The following ZNF33A variants were observed in gnomAD, a reference collection of about 807,000 sequenced individuals.
ZNF33A encodes the protein zinc finger protein 33A, also known as brain my041 protein.
A neutral mutation model predicts 15.9 loss-of-function variants in ZNF33A; 9 were observed. The ratio of observed to expected loss-of-function variants is 0.57; its 90% CI spans 0.34 to 0.99. The LOEUF (loss-of-function observed/expected upper bound fraction) is 0.99, where lower values mean the gene tolerates loss of function less well. Ranked by LOEUF, ZNF33A falls within the 50% of genes least tolerant of loss-of-function variation. The probability of loss-of-function intolerance (pLI) is 0.02; values close to 1 mark genes in which losing one functional copy is unlikely to be tolerated. For missense variants in ZNF33A, 843 were observed against 941.6 expected, an observed-to-expected ratio of 0.90 and a Z score of 1.37; for synonymous variants, 294 against 324.2, an observed-to-expected ratio of 0.91 and a Z score of 1.00.
intron 4 of ZNF33A, among the ~76,000 whole-genome samples, chr10:38,048,670 A>G (rs576138816): frequency 6.6e-6 from 1 of 152,186 alleles, no homozygotes; most frequent in Non-Finnish European, 1.5e-5. Flanking sequence ...AGCCAGGAAT[A>G]CCAGTGATAA....
chr10:38,013,220 C>G (rs2064278809), intron 2 of ZNF33A, among the ~76,000 whole-genome samples: 1 of 152,146 alleles, frequency 6.6e-6, no homozygotes, highest in Non-Finnish European at 1.5e-5. Context: ...AAGCGATTCT[C>G]TTGCCTCAGC....
intron 4 of ZNF33A, among the ~76,000 whole-genome samples, chr10:38,040,175 T>G (rs1357814187): frequency 6.6e-6 from 1 of 152,120 alleles, no homozygotes; most frequent in Non-Finnish European, 1.5e-5. Context: ...AAAATTCCTT[T>G]GTCTTACTGA....
At chr10:38,053,281 G>A (rs886541842) in intron 4 of ZNF33A, among the ~76,000 whole-genome samples, 8 of 152,206 alleles carry the variant, frequency 5.3e-5, no homozygotes, top group Non-Finnish European at 8.8e-5. Context: ...TTTCTGGTTA[G>A]GTCTCACTCC....
At chr10:38,029,017 G>A (rs2472156) in intron 4 of ZNF33A, among the ~76,000 whole-genome samples, 2 of 152,040 alleles carry the variant, frequency 1.3e-5, no homozygotes, top group Admixed American at 1.3e-4. Context: ...ATTGTGTACC[G>A]ATAATGTAAA....
chr10:38,021,087 T>A (rs1051980225), intron 4 of ZNF33A, among the ~76,000 whole-genome samples: 1 of 152,158 alleles, frequency 6.6e-6, no homozygotes, highest in African/African-American at 2.4e-5. Context: ...CCACCCATCC[T>A]AAAAATGTTT....
At chr10:38,035,653 A>G (rs74135613) in intron 4 of ZNF33A, among the ~76,000 whole-genome samples, 8 of 152,154 alleles carry the variant, frequency 5.3e-5, no homozygotes, top group African/African-American at 1.9e-4. Flanking sequence ...TTGTAATGCA[A>G]TTAGATGTTT....
At chr10:38,017,201 A>C (rs2064496224) in intron 3 of ZNF33A, 90 bp from the exon 4 acceptor site, 17 of 1,418,122 alleles carry the variant, frequency 1.2e-5, no homozygotes, top group Non-Finnish European at 1.5e-5. Flanking sequence ...TCCACTGGCA[A>C]CTCGAAGCAG....
Position 38,010,783 on chromosome 10 carries a change from G to A in ZNF33A, c.-45G>A. On this transcript the variant is annotated splice_region_variant and 5_prime_UTR_variant, in exon 1 of 5. Transcript: ENST00000432900. The stretch of plus-strand genomic sequence containing the variant: ...CGAATGCAACCCGACGAGGGAGTGG[G>A]GTAAGCCCCAGTGGGTTGGGCAGGG... 5.6e-6 allele frequency: 9 copies of A among 1,598,464 alleles called. No homozygotes were observed. The highest frequency in any genetic ancestry group is 7.6e-6 in the Non-Finnish European group (9 of 1,179,812).
At chr10:38,041,402 G>A (rs2065694038) in intron 4 of ZNF33A, among the ~76,000 whole-genome samples, 1 of 151,808 alleles carries the variant, frequency 6.6e-6, no homozygotes, top group South Asian at 2.1e-4. Flanking sequence ...TTACCTAGTG[G>A]TTGCTCTAGA....
At chr10:38,011,339 CT>C (rs2064175049) in intron 1 of ZNF33A, among the ~76,000 whole-genome samples, 1 of 152,168 alleles carries the variant, frequency 6.6e-6, no homozygotes, top group Non-Finnish European at 1.5e-5. Flanking sequence ...AATCCCAGCA[CT>C]TTGGGAGGCC....
chr10:38,050,598 G>T (rs1466598151), intron 4 of ZNF33A, among the ~76,000 whole-genome samples: 1 of 152,204 alleles, frequency 6.6e-6, no homozygotes, highest in East Asian at 1.9e-4. Context: ...GGTCTGTGTA[G>T]TATGGCCTGG....
At position 38,021,645 on chromosome 10, in the gene ZNF33A, GA is replaced by G. The variant is rs957989947; in HGVS notation, c.250+4268del. ...TAAGACTCTGTCTCAAAAAAGAAAA[GA>G]AAAAAAAAGAGTAGTGCCCAACAAC... is the stretch of plus-strand genomic sequence containing the variant. On this transcript the variant is annotated intron_variant, in intron 4 of 4. Coordinates refer to ENST00000432900, the MANE Select transcript of ZNF33A (RefSeq NM_006954.2). 5.3e-5 allele frequency among the ~76,000 whole-genome samples: 8 copies of G among 149,928 alleles called. No homozygotes were observed. The East Asian group carries it at 7.8e-4, about 15-fold the overall frequency.
downstream of ZNF33A, chr10:38,065,180 C>G (rs1424338901): frequency 4.6e-5 from 7 of 152,474 alleles, no homozygotes; most frequent in Admixed American, 1.3e-4. Context: ...AAACAATTCT[C>G]CTGCCTTAGC....
At chr10:38,044,802 G>A (rs2065881249) in intron 4 of ZNF33A, among the ~76,000 whole-genome samples, 1 of 151,812 alleles carries the variant, frequency 6.6e-6, no homozygotes, top group Admixed American at 6.6e-5. Flanking sequence ...AGAGTAGCTG[G>A]GATTACAAGT....
At chr10:38,010,932 A>C (rs2064143222) in intron 1 of ZNF33A, 149 bp downstream of exon 1, 1 of 949,676 alleles carries the variant, frequency 1.1e-6, no homozygotes, top group Non-Finnish European at 1.6e-6. Flanking sequence ...CGTGTGGGCC[A>C]CGACGCTAGG....
At chr10:38,032,834 C>T (rs1461744672) in intron 4 of ZNF33A, among the ~76,000 whole-genome samples, 2 of 151,972 alleles carry the variant, frequency 1.3e-5, no homozygotes, top group Non-Finnish European at 2.9e-5. Context: ...TGCAACTTCA[C>T]CTCCCAGGTT....
chr10:38,055,824 C>T lies in ZNF33A; in HGVS notation c.1700C>T (p.Thr567Ile), dbSNP rs1426592959. 2 of 1,612,596 alleles carry T rather than the reference C, an allele frequency of 1.2e-6. No homozygotes were observed. The highest frequency in any genetic ancestry group is 1.7e-5 in the Admixed American group (1 of 59,878). Residue 567 changes from threonine to isoleucine, a missense_variant, in exon 5 of 5, where the codon ACC (threonine) becomes ATC (isoleucine). By Grantham distance (89) the Thr-to-Ile change is moderately conservative. Coordinates refer to ENST00000432900, the MANE Select transcript of ZNF33A (RefSeq NM_006954.2). ...ECGKFFSHKS[T>I]LSQHYRTHTG... ...GGGAAATTCTTTAGCCATAAGTCAA[C>T]CCTCTCTCAACATTATAGAACACAC...
Position 38,012,502 on chromosome 10 carries a change from G to T in ZNF33A, c.9+152G>T. On this transcript the variant is annotated intron_variant, in intron 2 of 4. Coordinates refer to ENST00000432900, the MANE Select transcript of ZNF33A (RefSeq NM_006954.2). ...GCTGGAGTACAATGTCCCCATCTCGGTTCACTGCAACCTCTGCCTCCCGGG... is the reference window on the plus strand; with the variant it reads ...GCTGGAGTACAATGTCCCCATCTCGTTTCACTGCAACCTCTGCCTCCCGGG... 4.3e-6 allele frequency: 4 copies of T among 938,068 alleles called. No individual in the cohort carries two copies. In the South Asian group the frequency reaches 6.7e-5, roughly 16 times the overall value. 58.1% of individuals were successfully genotyped at this position (938,068 alleles called of 1,614,324 possible). A position where few individuals can be genotyped will look rare whatever the true frequency, so the allele number is the denominator to read the frequency against.
In ZNF33A at chr10:38,057,838, C is replaced by T. The variant is rs900944156; in HGVS notation, c.*1278C>T. On this transcript the variant is annotated 3_prime_UTR_variant, in exon 5 of 5. Transcript: ENST00000432900. Reference sequence around the variant, plus strand: ...AGGGCCCTGGAAAGGCCCACACATACAGCCCAGGGCTGCCCAGGGCTGTTG... The same window carrying T: ...AGGGCCCTGGAAAGGCCCACACATATAGCCCAGGGCTGCCCAGGGCTGTTG... 3 of 985,300 alleles carry T rather than the reference C, an allele frequency of 3.0e-6. No homozygotes were observed. Among genetic ancestry groups the T allele is most frequent in the Admixed American group, 6.1e-5 (1 of 16,268 alleles). 61.0% of individuals were successfully genotyped at this position (985,300 alleles called of 1,614,324 possible).
Sources: gnomAD v4.1 joint callset for allele counts (sites outside exome capture counted in the v4.1 genomes callset) on GRCh38, gnomAD v4.1.1 for gene constraint, MANE v1.5 for transcripts, NCBI Gene and HGNC (gene_info 2026-07-23, HGNC 2026-07-21) for gene names.